Variants in MPDZ observed in about 807,000 individuals in gnomAD.
The protein encoded by MPDZ is multiple PDZ domain protein.
In MPDZ, 234 loss-of-function variants were observed where a neutral mutation model predicts 239.1. That is an observed-to-expected ratio of 0.98 (90% CI 0.88 to 1.09). The LOEUF (loss-of-function observed/expected upper bound fraction) is 1.09. Ranked by LOEUF, MPDZ falls within the 50% of genes least tolerant of loss-of-function variation. The pLI is 0.00. For missense variants in MPDZ, 3,175 were observed against 2,510.0 expected, an observed-to-expected ratio of 1.26 and a Z score of -5.66; for synonymous variants, 1,048 against 881.3, an observed-to-expected ratio of 1.19 and a Z score of -3.35.
rs552417397 is a variant in MPDZ, at chr9:13,111,108, T to TAAGTCGGAGGTTGGCA, written c.5725-384_5725-369dup. Among the ~76,000 whole-genome samples the TAAGTCGGAGGTTGGCA allele has an allele frequency of 5.0e-3, 762 of 152,338 alleles. 10 individuals carry two copies. The highest frequency in any genetic ancestry group is 0.017 in the African/African-American group (721 of 41,588). On this transcript the variant is annotated intron_variant, in intron 43 of 46. Transcript: ENST00000319217. ...CTATTATAATCATTAGATGTGACTCTAAGTCGGAGGTTGGCAAACTAAGGC... is the reference window on the plus strand; with the variant it reads ...CTATTATAATCATTAGATGTGACTCTAAGTCGGAGGTTGGCAAAGTCGGAGGTTGGCAAACTAAGGC...
chr9:13,195,552 A>T (rs1955530142), intron 13 of MPDZ, among the ~76,000 whole-genome samples: 1 of 152,158 alleles, frequency 6.6e-6, no homozygotes, highest in African/African-American at 2.4e-5. Flanking sequence ...ATAATTTATA[A>T]CAATTTTATT....
intron 12 of MPDZ, among the ~76,000 whole-genome samples, chr9:13,198,041 G>C (rs1955874545): frequency 6.6e-6 from 1 of 152,084 alleles, no homozygotes; most frequent in African/African-American, 2.4e-5. Flanking sequence ...ATAGTGAACA[G>C]AACAGCAATG....
intron 1 of MPDZ, among the ~76,000 whole-genome samples, chr9:13,274,261 T>A (rs1490148265): frequency 1.3e-5 from 2 of 152,108 alleles, no homozygotes; most frequent in African/African-American, 2.4e-5. Flanking sequence ...TCTTAATTTT[T>A]TTTTTTGGTA....
chr9:13,137,030 A>G (rs921308572), intron 29 of MPDZ, among the ~76,000 whole-genome samples: 3 of 152,154 alleles, frequency 2.0e-5, no homozygotes, highest in African/African-American at 7.2e-5. Flanking sequence ...TCTGACATCC[A>G]TGAACTGCTG....
chr9:13,194,191 T>C (rs978076437), intron 13 of MPDZ, among the ~76,000 whole-genome samples: 1 of 152,198 alleles, frequency 6.6e-6, no homozygotes, highest in African/African-American at 2.4e-5. Flanking sequence ...CTATGTCTTA[T>C]TACCTTTATC....
At chr9:13,243,426 C>CTG (rs1167506452) in intron 3 of MPDZ, among the ~76,000 whole-genome samples, 1 of 151,718 alleles carries the variant, frequency 6.6e-6, no homozygotes, top group African/African-American at 2.4e-5. Flanking sequence ...TTTAGTAACC[C>CTG]AAGGTCCTTG....
At chr9:13,150,787 G>T in intron 24 of MPDZ, 99 bp from the exon 25 acceptor site, 2 of 751,130 alleles carry the variant, frequency 2.7e-6, no homozygotes, top group Admixed American at 4.3e-5. Context: ...TAACACCAAA[G>T]GCACAGAGAA....
chr9:13,254,397 C>A (rs141630885), intron 1 of MPDZ, among the ~76,000 whole-genome samples: 3 of 152,140 alleles, frequency 2.0e-5, no homozygotes, highest in Non-Finnish European at 4.4e-5. Context: ...AAAGTACATT[C>A]AAAAACATTG....
chr9:13,124,162 T>G (rs1197287560), intron 35 of MPDZ, among the ~76,000 whole-genome samples: 1 of 152,202 alleles, frequency 6.6e-6, no homozygotes, highest in Non-Finnish European at 1.5e-5. Flanking sequence ...CCTTAAATGG[T>G]AAGAACAGGT....
intron 12 of MPDZ, among the ~76,000 whole-genome samples, chr9:13,201,134 T>C (rs931251516): frequency 3.9e-5 from 6 of 152,078 alleles, no homozygotes; most frequent in African/African-American, 1.4e-4. Context: ...GCTTGCTGTA[T>C]TGACCTACTG....
chr9:13,190,733 T>C (rs909993537), intron 15 of MPDZ, among the ~76,000 whole-genome samples: 14 of 152,174 alleles, frequency 9.2e-5, no homozygotes, highest in Admixed American at 8.5e-4. Context: ...ATAAGAGTTC[T>C]AAAATGCTGT....
chr9:13,134,462 G>A (rs1587083945), intron 31 of MPDZ: 1 of 152,234 alleles, frequency 6.6e-6, no homozygotes, highest in South Asian at 2.1e-4. Flanking sequence ...AGGAGCAGCC[G>A]GAATGAGACA....
intron 32 of MPDZ, among the ~76,000 whole-genome samples, chr9:13,132,371 G>A (rs1946125957): frequency 1.3e-5 from 2 of 152,198 alleles, no homozygotes; most frequent in Admixed American, 1.3e-4. Context: ...GCTTCTGACA[G>A]CACAGGCTTC....
At chr9:13,266,019 C>G (rs1271651159) in intron 1 of MPDZ, among the ~76,000 whole-genome samples, 2 of 152,212 alleles carry the variant, frequency 1.3e-5, no homozygotes, top group Non-Finnish European at 2.9e-5. Context: ...TCTCTATTAC[C>G]ATTTCAAATG....
At chr9:13,270,320 C>T (rs1215566260) in intron 1 of MPDZ, among the ~76,000 whole-genome samples, 2 of 151,978 alleles carry the variant, frequency 1.3e-5, no homozygotes, top group Admixed American at 1.3e-4. Flanking sequence ...TACAAATGAC[C>T]CAAAAAAGGC....
Position 13,136,761 on chromosome 9 carries a change from A to G in MPDZ, c.4243T>C (p.Ser1415Pro). The G allele has an allele frequency of 6.2e-7, 1 of 1,603,492 alleles. No individual in the cohort carries two copies. The highest frequency in any genetic ancestry group is 1.1e-5 in the South Asian group (1 of 88,856). ...ILYGRSHQNA[S>P]SIIKCAPSKV... Reference sequence around the variant, plus strand: ...GAAGGGGCACATTTAATGATTGATGAGGCATTCTGATGACTTCTTCCATAT... The same window carrying G: ...GAAGGGGCACATTTAATGATTGATGGGGCATTCTGATGACTTCTTCCATAT... The change falls in exon 30 of 47, where the codon TCA (serine) becomes CCA (proline). Residue 1415 changes from serine (S) to proline (P), a missense_variant. By Grantham distance (74) the Ser-to-Pro change is moderately conservative (BLOSUM62 -1). Coordinates refer to ENST00000319217, the MANE Select transcript of MPDZ (RefSeq NM_001378778.1).
At chr9:13,156,177 C>A (rs1043065240) in intron 24 of MPDZ, among the ~76,000 whole-genome samples, 4 of 152,128 alleles carry the variant, frequency 2.6e-5, no homozygotes, top group African/African-American at 9.7e-5. Context: ...CCCCCAAATT[C>A]AAAAGATTCT....
At chr9:13,277,703 T>G (rs1974556731) in intron 1 of MPDZ, among the ~76,000 whole-genome samples, 1 of 152,108 alleles carries the variant, frequency 6.6e-6, no homozygotes, top group Non-Finnish European at 1.5e-5. Flanking sequence ...TATCTGAGAC[T>G]ACAGGTGCGA....
At chr9:13,265,570 AAAAAGAAAAGAAG>A (rs1309409200) in intron 1 of MPDZ, among the ~76,000 whole-genome samples, 1 of 152,170 alleles carries the variant, frequency 6.6e-6, no homozygotes, top group Non-Finnish European at 1.5e-5. Flanking sequence ...ACTCCATCTC[AAAAAGAAAAGAAG>A]AAAAGAAAGC....
Sources: allele counts gnomAD v4.1 joint callset (sites outside exome capture counted in the v4.1 genomes callset), GRCh38; gene constraint gnomAD v4.1.1; transcripts MANE v1.5; gene names NCBI Gene and HGNC (gene_info 2026-07-23, HGNC 2026-07-21).